PHF14: variants seen among roughly 807,000 people sequenced by gnomAD.
PHF14 encodes PHD finger protein 14.
In PHF14, 55 loss-of-function variants were observed where a neutral mutation model predicts 117.9. The observed-to-expected ratio is 0.47, with a 90% CI of 0.38 to 0.58. The LOEUF (loss-of-function observed/expected upper bound fraction) is 0.58, where lower values mean the gene tolerates loss of function less well. Ranked by LOEUF, PHF14 falls within the 20% of genes least tolerant of loss-of-function variation. The pLI is 0.00. For missense variants in PHF14, 978 were observed against 1,122.2 expected (o/e 0.87, Z 1.84); for synonymous variants, 409 against 368.6 (o/e 1.11, Z -1.26).
chr7:11,160,131 A>T (rs780706673), intron 17 of PHF14, among the ~76,000 whole-genome samples: 2 of 151,964 alleles, frequency 1.3e-5, no homozygotes, highest in Non-Finnish European at 2.9e-5. Flanking sequence ...TGTGTACCCA[A>T]TGTGCTCCCA....
chr7:11,147,214 A>G (rs1358169093), intron 17 of PHF14, among the ~76,000 whole-genome samples: 1 of 152,192 alleles, frequency 6.6e-6, no homozygotes, highest in Non-Finnish European at 1.5e-5. Context: ...TTGGTTGTAC[A>G]GGATATATTT....
At chr7:11,047,536 C>T (rs1784710451) in intron 13 of PHF14, among the ~76,000 whole-genome samples, 2 of 151,362 alleles carry the variant, frequency 1.3e-5, no homozygotes, top group South Asian at 4.2e-4. Context: ...TGGCTCATGT[C>T]TGTAATCCCA....
At chr7:11,056,429 AT>A (rs1785021755) in intron 14 of PHF14, among the ~76,000 whole-genome samples, 1 of 152,062 alleles carries the variant, frequency 6.6e-6, no homozygotes, top group Non-Finnish European at 1.5e-5. Flanking sequence ...GTTAAGACAA[AT>A]TGGTTATGAT....
intron 16 of PHF14, chr7:11,103,063 A>G: frequency 1.0e-6 from 1 of 979,038 alleles, no homozygotes. Flanking sequence ...TATATGAAGT[A>G]CTGCATTGTA....
At chr7:11,096,289 A>G (rs1206891506) in intron 16 of PHF14, among the ~76,000 whole-genome samples, 1 of 152,176 alleles carries the variant, frequency 6.6e-6, no homozygotes, top group Non-Finnish European at 1.5e-5. Flanking sequence ...ACTATCATCA[A>G]AAAAATTTTC....
chr7:11,026,735 T>A (rs1270441844), intron 6 of PHF14, among the ~76,000 whole-genome samples: 1 of 151,824 alleles, frequency 6.6e-6, no homozygotes, highest in Non-Finnish European at 1.5e-5. Flanking sequence ...TTTTTTTTTT[T>A]TTTAAATTTA....
chr7:11,053,685 G>C (rs1456465901), intron 14 of PHF14, among the ~76,000 whole-genome samples: 1 of 151,978 alleles, frequency 6.6e-6, no homozygotes, highest in Non-Finnish European at 1.5e-5. Context: ...CATATAGAGG[G>C]AAATTATGTA....
chr7:10,978,428 C>T (rs1403630017), intron 2 of PHF14, among the ~76,000 whole-genome samples: 1 of 152,002 alleles, frequency 6.6e-6, no homozygotes, highest in Non-Finnish European at 1.5e-5. Flanking sequence ...AAGAGTGGAA[C>T]TATGAACAGA....
intron 13 of PHF14, 142 bp from the exon 14 acceptor site, chr7:11,051,470 C>T: frequency 1.6e-6 from 1 of 616,550 alleles, no homozygotes; most frequent in African/African-American, 1.9e-5. Context: ...AATGTTTTTT[C>T]ATTATGTACC....
chr7:11,040,043 AAC>A (rs1562434643), intron 11 of PHF14, among the ~76,000 whole-genome samples: 1 of 152,194 alleles, frequency 6.6e-6, no homozygotes, highest in Admixed American at 6.5e-5. Flanking sequence ...AAAGACTTTT[AAC>A]AGAGGTTTGC....
chr7:11,112,069 T>C (rs1042392218), intron 17 of PHF14, among the ~76,000 whole-genome samples: 1 of 152,170 alleles, frequency 6.6e-6, no homozygotes, highest in Non-Finnish European at 1.5e-5. Flanking sequence ...ACTTACATTG[T>C]AGTAATACAT....
chr7:11,006,462 T>C (rs1783101384), intron 4 of PHF14: 1 of 538,406 alleles, frequency 1.9e-6, no homozygotes, highest in South Asian at 1.4e-5. Context: ...GTCGAACATA[T>C]GCCTTCTTTT....
chr7:11,135,977 GT>G (rs1236869973), intron 17 of PHF14, among the ~76,000 whole-genome samples: 2 of 151,988 alleles, frequency 1.3e-5, no homozygotes, highest in Non-Finnish European at 2.9e-5. Context: ...CCTCGTTAAA[GT>G]TAACTGGTAT....
chr7:11,039,391 C>T (rs977170844), intron 11 of PHF14, among the ~76,000 whole-genome samples: 40 of 151,762 alleles, frequency 2.6e-4, no homozygotes, highest in African/African-American at 9.4e-4. Context: ...TAGCTGTGAT[C>T]GTAGTTATTA....
chr7:11,134,878 C>A (rs1417226888), intron 17 of PHF14, among the ~76,000 whole-genome samples: 1 of 151,950 alleles, frequency 6.6e-6, no homozygotes, highest in African/African-American at 2.4e-5. Context: ...ACATATAGAC[C>A]ACCAAGTAAA....
chr7:10,976,349 A>G (rs543077208), intron 2 of PHF14, among the ~76,000 whole-genome samples: 21 of 152,136 alleles, frequency 1.4e-4, no homozygotes, highest in Non-Finnish European at 2.5e-4. Flanking sequence ...AGGAGGTAAA[A>G]TTTAAATCTT....
rs764298903 is a variant in PHF14 at position 11,061,964 on chromosome 7, G to C, written c.2533G>C (p.Glu845Gln). 1 of 1,589,678 alleles carries C rather than the reference G, an allele frequency of 6.3e-7. No individual in the cohort carries two copies. The highest frequency in any genetic ancestry group is 1.2e-5 in the South Asian group (1 of 86,886). Reference protein sequence around the residue: ...SFVPEEEKHEERVPRERRQRQ... With the variant: ...SFVPEEEKHEQRVPRERRQRQ... ...TATTTTATTATCCCTTGTATGGCAG[G>C]AAAGAGTTCCTAGAGAGAGAAGACA... Residue 845 changes from glutamate (E) to glutamine (Q), a missense_variant and splice_region_variant, in exon 16 of 18, where the codon GAA becomes CAA. By Grantham distance (29) the Glu-to-Gln change is conservative. Coordinates refer to ENST00000634607, the MANE Select transcript of PHF14 (RefSeq NM_001007157.2).
rs1212467339 is a variant in PHF14, at chr7:11,026,126, AAG to A, written c.1318-2547_1318-2546del. 1.4e-4 allele frequency among the ~76,000 whole-genome samples: 21 copies of A among 150,722 alleles called. No homozygotes were observed. In the South Asian group the frequency reaches 3.8e-3, roughly 27 times the overall value. The stretch of plus-strand genomic sequence containing the variant: ...GACTCCATCAAAAAAAAAAAAAAAA[AAG>A]AGAGAGAAATTGCCACAGCCACTCC... On this transcript the variant is annotated intron_variant, in intron 6 of 17. Transcript: ENST00000634607.
At chr7:11,125,339 G>A (rs1278164838) in intron 17 of PHF14, among the ~76,000 whole-genome samples, 2 of 152,090 alleles carry the variant, frequency 1.3e-5, no homozygotes, top group Non-Finnish European at 2.9e-5. Flanking sequence ...TCTCATTTGT[G>A]TAGTGTCAGC....
Sources: allele counts gnomAD v4.1 joint callset (sites outside exome capture counted in the v4.1 genomes callset), GRCh38; gene constraint gnomAD v4.1.1; transcripts MANE v1.5; gene names NCBI Gene and HGNC (gene_info 2026-07-23, HGNC 2026-07-21).